RAPGEF4: variants seen among roughly 807,000 people sequenced by gnomAD.
RAPGEF4 encodes RAP guanine-nucleotide-exchange factor (GEF) 4.
In RAPGEF4, 66 loss-of-function variants were observed where a neutral mutation model predicts 147.9. The observed-to-expected ratio is 0.45, with a 90% CI of 0.37 to 0.55. The LOEUF is 0.55. Among genes scored for constraint, RAPGEF4 ranks in the 20% least tolerant of loss-of-function variants. The probability of loss-of-function intolerance (pLI) is 0.00; values close to 1 mark genes in which losing one functional copy is unlikely to be tolerated. For synonymous variants in RAPGEF4, 419 were observed against 442.7 expected (o/e 0.95, Z 0.67); for missense variants, 1,071 against 1,257.3 (o/e 0.85, Z 2.24).
At chr2:172,825,030 A>G (rs1192911073) in intron 4 of RAPGEF4, among the ~76,000 whole-genome samples, 1 of 152,228 alleles carries the variant, frequency 6.6e-6, no homozygotes, top group African/African-American at 2.4e-5. Flanking sequence ...GTATTTGAGC[A>G]TGCCTATTGC....
intron 4 of RAPGEF4, chr2:172,917,540 C>G (rs375767890): frequency 9.1e-6 from 6 of 658,186 alleles, no homozygotes; most frequent in South Asian, 6.0e-5. Context: ...CCACACAATT[C>G]AGGCAGCCAC....
chr2:172,839,664 A>C (rs1691363510), intron 4 of RAPGEF4, among the ~76,000 whole-genome samples: 1 of 152,184 alleles, frequency 6.6e-6, no homozygotes, highest in African/African-American at 2.4e-5. Flanking sequence ...GCATCTGGGA[A>C]TGCAGCCCGG....
chr2:172,832,061 C>T (rs1690410820), intron 4 of RAPGEF4, among the ~76,000 whole-genome samples: 1 of 152,170 alleles, frequency 6.6e-6, no homozygotes, highest in Non-Finnish European at 1.5e-5. Flanking sequence ...AGCTATAAAT[C>T]AGGGACAGTG....
At chr2:172,899,828 T>C (rs1559107195) in intron 4 of RAPGEF4, among the ~76,000 whole-genome samples, 1 of 152,072 alleles carries the variant, frequency 6.6e-6, no homozygotes, top group Non-Finnish European at 1.5e-5. Flanking sequence ...TATGTAGGTA[T>C]GGCAAGGAGA....
At chr2:172,880,705 A>G (rs1696526422) in intron 4 of RAPGEF4, among the ~76,000 whole-genome samples, 1 of 152,234 alleles carries the variant, frequency 6.6e-6, no homozygotes, top group African/African-American at 2.4e-5. Flanking sequence ...TGGCATTTCC[A>G]CTTACTAGCC....
At chr2:172,874,760 C>T (rs1229796288) in intron 4 of RAPGEF4, among the ~76,000 whole-genome samples, 1 of 152,154 alleles carries the variant, frequency 6.6e-6, no homozygotes, top group African/African-American at 2.4e-5. Flanking sequence ...CGGGTATATA[C>T]CCAGTAATGG....
At chr2:172,763,534 G>A (rs942093020) in intron 1 of RAPGEF4, among the ~76,000 whole-genome samples, 9 of 152,190 alleles carry the variant, frequency 5.9e-5, no homozygotes, top group Admixed American at 5.9e-4. Flanking sequence ...ATAAACAGGA[G>A]TAGGTGAGAG....
chr2:173,021,965 C>A (rs1696141342), intron 23 of RAPGEF4, among the ~76,000 whole-genome samples: 1 of 152,184 alleles, frequency 6.6e-6, no homozygotes, highest in Non-Finnish European at 1.5e-5. Context: ...CTGAGTCTGC[C>A]TCCCGCCTTT....
At chr2:172,883,674 T>C (rs1487139752) in intron 4 of RAPGEF4, among the ~76,000 whole-genome samples, 4 of 152,148 alleles carry the variant, frequency 2.6e-5, no homozygotes, top group Non-Finnish European at 5.9e-5. Flanking sequence ...AAGATGTTTT[T>C]CTCTCCTAGA....
intron 4 of RAPGEF4, among the ~76,000 whole-genome samples, chr2:172,831,294 G>GTTTTT: frequency 6.8e-5 from 1 of 14,696 alleles, no homozygotes; most frequent in Non-Finnish European, 1.7e-4. Context: ...TTGAGACAGA[G>GTTTTT]TTTTGCTCTT....
intron 1 of RAPGEF4, among the ~76,000 whole-genome samples, chr2:172,756,207 A>G (rs928243609): frequency 1.3e-5 from 2 of 152,210 alleles, no homozygotes; most frequent in African/African-American, 4.8e-5. Flanking sequence ...TAGCCAGTCC[A>G]GTTTAGAAAG....
intron 4 of RAPGEF4, among the ~76,000 whole-genome samples, chr2:172,904,305 A>G (rs1406217045): frequency 6.6e-6 from 1 of 152,222 alleles, no homozygotes; most frequent in African/African-American, 2.4e-5. Flanking sequence ...GGCAATGGCT[A>G]TGTTTTTCAC....
chr2:172,886,055 G>C (rs552331046), intron 4 of RAPGEF4, among the ~76,000 whole-genome samples: 1 of 152,056 alleles, frequency 6.6e-6, no homozygotes, highest in Non-Finnish European at 1.5e-5. Context: ...CCTTTCCTCT[G>C]TGGGACTTGT....
intron 1 of RAPGEF4, among the ~76,000 whole-genome samples, chr2:172,764,109 C>A (rs1229303813): frequency 6.6e-6 from 1 of 151,918 alleles, no homozygotes; most frequent in Non-Finnish European, 1.5e-5. Context: ...AAAAAATTAG[C>A]CAAGCATGGT....
intron 17 of RAPGEF4, among the ~76,000 whole-genome samples, chr2:173,011,168 G>GCGCGCGCACA (rs1553548157): frequency 5.2e-4 from 31 of 59,882 alleles, no homozygotes; most frequent in Non-Finnish European, 9.9e-4. Flanking sequence ...CAGCGCGCGC[G>GCGCGCGCACA]CGCACACACA....
intron 26 of RAPGEF4, among the ~76,000 whole-genome samples, chr2:173,033,184 T>C (rs907173333): frequency 1.3e-5 from 2 of 152,172 alleles, no homozygotes; most frequent in Non-Finnish European, 2.9e-5. Context: ...TTTTGTATTA[T>C]AGGAAGGCAT....
chr2:172,767,438 C>T (rs1026550263), intron 1 of RAPGEF4, among the ~76,000 whole-genome samples: 1 of 152,098 alleles, frequency 6.6e-6, no homozygotes, highest in African/African-American at 2.4e-5. Flanking sequence ...CTCGGCCTCC[C>T]AAAGTGCTGG....
chr2:172,972,090 C>A (rs1344741480), intron 10 of RAPGEF4, among the ~76,000 whole-genome samples: 1 of 30,964 alleles, frequency 3.2e-5, no homozygotes, highest in Admixed American at 4.2e-4. Flanking sequence ...ATACTGTGGG[C>A]GGGGGTGGGG....
intron 10 of RAPGEF4, among the ~76,000 whole-genome samples, chr2:172,983,152 A>G (rs1691862593): frequency 6.6e-6 from 1 of 152,224 alleles, no homozygotes; most frequent in South Asian, 2.1e-4. Flanking sequence ...AAGTTTTGCC[A>G]TTACTGATTA....
Sources: allele counts gnomAD v4.1 joint callset (sites outside exome capture counted in the v4.1 genomes callset), GRCh38; gene constraint gnomAD v4.1.1; transcripts MANE v1.5; gene names NCBI Gene and HGNC (gene_info 2026-07-23, HGNC 2026-07-21).